The following PTPRD variants were observed in gnomAD, a reference collection of about 807,000 sequenced individuals.
The protein encoded by PTPRD is receptor-type tyrosine-protein phosphatase delta.
A neutral mutation model predicts 214.5 loss-of-function variants in PTPRD; 34 were observed. The observed-to-expected ratio is 0.16, with a 90% CI of 0.12 to 0.21. PTPRD has a LOEUF of 0.21. Among genes scored for constraint, PTPRD ranks in the 10% least tolerant of loss-of-function variants. The probability of loss-of-function intolerance (pLI) is 1.00; values close to 1 mark genes in which losing one functional copy is unlikely to be tolerated. For synonymous variants in PTPRD, 1,128 were observed against 845.7 expected, an observed-to-expected ratio of 1.33 and a Z score of -5.79; for missense variants, 2,545 against 2,398.7, an observed-to-expected ratio of 1.06 and a Z score of -1.27.
intron 7 of PTPRD, among the ~76,000 whole-genome samples, chr9:9,585,386 T>C (rs913941010): frequency 1.3e-5 from 2 of 152,138 alleles, no homozygotes; most frequent in Non-Finnish European, 2.9e-5. Context: ...ACAAGTTTCA[T>C]CTTCAATTCA....
At chr9:9,156,952 A>G (rs1350394274) in intron 10 of PTPRD, among the ~76,000 whole-genome samples, 3 of 152,204 alleles carry the variant, frequency 2.0e-5, no homozygotes, top group African/African-American at 7.2e-5. Context: ...CTTAGGAACA[A>G]TTCCACACTC....
intron 14 of PTPRD, among the ~76,000 whole-genome samples, chr9:8,540,929 G>A (rs1386940907): frequency 2.0e-5 from 3 of 152,104 alleles, no homozygotes; most frequent in Admixed American, 1.3e-4. Context: ...GTAGGTATTT[G>A]TTTTATCTGA....
At chr9:8,664,978 A>C (rs1483999205) in intron 12 of PTPRD, among the ~76,000 whole-genome samples, 3 of 152,224 alleles carry the variant, frequency 2.0e-5, no homozygotes, top group Non-Finnish European at 4.4e-5. Context: ...ATTGAGTGAT[A>C]GAATGCAAAA....
intron 7 of PTPRD, among the ~76,000 whole-genome samples, chr9:9,713,735 A>T (rs1209972452): frequency 2.0e-5 from 3 of 152,108 alleles, no homozygotes; most frequent in African/African-American, 4.8e-5. Flanking sequence ...GGACAGTGGG[A>T]GGAAAGAGAA....
intron 5 of PTPRD, among the ~76,000 whole-genome samples, chr9:9,845,647 G>T (rs900817136): frequency 6.6e-6 from 1 of 151,934 alleles, no homozygotes; most frequent in African/African-American, 2.4e-5. Context: ...TTGGATTGAG[G>T]CAGGTCTAAA....
chr9:9,242,227 T>C (rs1594365210), intron 9 of PTPRD, among the ~76,000 whole-genome samples: 2 of 152,344 alleles, frequency 1.3e-5, no homozygotes, highest in East Asian at 3.9e-4. Flanking sequence ...GTTAGTCTGA[T>C]GGGCTTCCCT....
At chr9:8,343,017 C>T (rs1854011720) in intron 39 of PTPRD, among the ~76,000 whole-genome samples, 1 of 152,044 alleles carries the variant, frequency 6.6e-6, no homozygotes, top group African/African-American at 2.4e-5. Flanking sequence ...TTTCATAGGT[C>T]TGGCAAGGCA....
intron 5 of PTPRD, among the ~76,000 whole-genome samples, chr9:9,841,214 G>A (rs2153636468): frequency 6.6e-6 from 1 of 152,174 alleles, no homozygotes; most frequent in South Asian, 2.1e-4. Flanking sequence ...TGGTAGTGGG[G>A]TTAACAGAAA....
chr9:8,850,130 A>T (rs2154542123), intron 11 of PTPRD, among the ~76,000 whole-genome samples: 1 of 152,304 alleles, frequency 6.6e-6, no homozygotes, highest in Non-Finnish European at 1.5e-5. Flanking sequence ...GATGGAAGAT[A>T]GTATTTTGGG....
intron 2 of PTPRD, among the ~76,000 whole-genome samples, chr9:10,529,625 G>A (rs1018931853): frequency 6.6e-6 from 1 of 151,504 alleles, no homozygotes; most frequent in Non-Finnish European, 1.5e-5. Context: ...GTAGATGATG[G>A]CTTGATGGGT....
intron 11 of PTPRD, among the ~76,000 whole-genome samples, chr9:8,982,198 T>G (rs1245068287): frequency 6.6e-6 from 1 of 152,014 alleles, no homozygotes; most frequent in Non-Finnish European, 1.5e-5. Flanking sequence ...TCTGATTGAC[T>G]TAGTACTGAA....
At chr9:9,734,246 T>C (rs949630196) in intron 7 of PTPRD, among the ~76,000 whole-genome samples, 1 of 152,154 alleles carries the variant, frequency 6.6e-6, no homozygotes, top group Admixed American at 6.6e-5. Context: ...CACGAACTCT[T>C]TCAGTGGGGA....
rs569686860 is a variant in PTPRD at position 8,475,793 on chromosome 9, G to T, written c.3414-4708C>A. Among the ~76,000 whole-genome samples the T allele has an allele frequency of 1.3e-5, 2 of 152,102 alleles. 1 individual carries two copies. Among genetic ancestry groups the T allele is most frequent in the South Asian group, 4.2e-4 (2 of 4,812 alleles). ...ATCACTTCCAAACCCTATCTCCAGT[G>T]CACGTGCTTTTCTCCATCTCTACTG... On this transcript the variant is annotated intron_variant, in intron 30 of 45. Coordinates refer to ENST00000381196, the MANE Select transcript of PTPRD (RefSeq NM_002839.4).
At chr9:9,981,711 T>A (rs1588094248) in intron 4 of PTPRD, among the ~76,000 whole-genome samples, 1 of 152,068 alleles carries the variant, frequency 6.6e-6, no homozygotes, top group Non-Finnish European at 1.5e-5. Flanking sequence ...TGGGTTCCAA[T>A]GGGGAAAAAG....
chr9:8,548,047 C>G (rs1263904802), intron 14 of PTPRD, among the ~76,000 whole-genome samples: 1 of 152,078 alleles, frequency 6.6e-6, no homozygotes, highest in African/African-American at 2.4e-5. Flanking sequence ...CCTAAGGGAG[C>G]ACAGGGGTGA....
At chr9:8,814,270 T>C (rs1159108522) in intron 11 of PTPRD, among the ~76,000 whole-genome samples, 2 of 152,158 alleles carry the variant, frequency 1.3e-5, no homozygotes, top group Non-Finnish European at 2.9e-5. Flanking sequence ...TCTGCATATA[T>C]GGTAATTTCA....
intron 12 of PTPRD, among the ~76,000 whole-genome samples, chr9:8,731,004 T>C (rs2098651610): frequency 6.6e-6 from 1 of 152,206 alleles, no homozygotes; most frequent in Non-Finnish European, 1.5e-5. Flanking sequence ...ATAGTGGATA[T>C]ACAAGGCATT....
At chr9:9,131,297 G>T (rs1478073980) in intron 10 of PTPRD, among the ~76,000 whole-genome samples, 1 of 151,920 alleles carries the variant, frequency 6.6e-6, no homozygotes, top group Non-Finnish European at 1.5e-5. Context: ...ATTTGTGGAG[G>T]AACAAAAATA....
At chr9:10,426,006 T>C (rs1037337296) in intron 2 of PTPRD, among the ~76,000 whole-genome samples, 9 of 152,018 alleles carry the variant, frequency 5.9e-5, no homozygotes, top group African/African-American at 2.2e-4. Flanking sequence ...TATATATACA[T>C]ACATACACTA....
Sources: gnomAD v4.1 joint callset for allele counts (sites outside exome capture counted in the v4.1 genomes callset) on GRCh38, gnomAD v4.1.1 for gene constraint, MANE v1.5 for transcripts, NCBI Gene and HGNC (gene_info 2026-07-23, HGNC 2026-07-21) for gene names.